OSBPL10: variants seen among roughly 807,000 people sequenced by gnomAD.
OSBPL10 encodes the protein oxysterol-binding protein-related protein 10.
Under a neutral mutation model 81.7 loss-of-function variants are expected in OSBPL10, and 49 were observed. That is an observed-to-expected ratio of 0.60 (90% CI 0.48 to 0.76). The LOEUF (loss-of-function observed/expected upper bound fraction) is 0.76, where lower values mean the gene tolerates loss of function less well. OSBPL10 is among the 30% of genes least tolerant of loss of function. The probability of loss-of-function intolerance (pLI) is 0.00; values close to 1 mark genes in which losing one functional copy is unlikely to be tolerated. For synonymous variants in OSBPL10, 419 were observed against 383.6 expected (o/e 1.09, Z -1.08); for missense variants, 923 against 987.8 (o/e 0.93, Z 0.88).
chr3:31,682,807 A>G (rs1700685271), intron 8 of OSBPL10, among the ~76,000 whole-genome samples: 1 of 152,150 alleles, frequency 6.6e-6, no homozygotes, highest in Non-Finnish European at 1.5e-5. Flanking sequence ...TCAAGTAACC[A>G]CAGCTCCTAA....
intron 1 of OSBPL10, among the ~76,000 whole-genome samples, chr3:31,961,423 T>C (rs1218156260): frequency 2.0e-5 from 3 of 152,252 alleles, no homozygotes; most frequent in Admixed American, 6.5e-5. Context: ...ATGTAAAGTA[T>C]CATTAAAAAG....
chr3:31,823,842 G>A (rs915421328), intron 4 of OSBPL10, among the ~76,000 whole-genome samples: 7 of 87,754 alleles, frequency 8.0e-5, no homozygotes, highest in Admixed American at 1.7e-4. Flanking sequence ...TTGTATGTGT[G>A]TATGTGTGTG....
At chr3:31,878,747 A>T (rs919567530) in intron 2 of OSBPL10, among the ~76,000 whole-genome samples, 2 of 151,884 alleles carry the variant, frequency 1.3e-5, no homozygotes, top group Admixed American at 6.6e-5. Flanking sequence ...ATTTTCAACC[A>T]CCTCTCAATA....
At chr3:31,806,474 G>A (rs1699525583) in intron 4 of OSBPL10, among the ~76,000 whole-genome samples, 1 of 152,188 alleles carries the variant, frequency 6.6e-6, no homozygotes, top group African/African-American at 2.4e-5. Flanking sequence ...TTTTAGCTGA[G>A]AGCCAAACAG....
intron 6 of OSBPL10, among the ~76,000 whole-genome samples, chr3:31,730,841 A>G (rs7648314): frequency 0.048 from 7,265 of 152,328 alleles, 560 homozygotes; most frequent in African/African-American, 0.16. Context: ...CATGTTCTAA[A>G]CGGTAAACCA....
chr3:31,831,438 C>G (rs985972797), intron 3 of OSBPL10, among the ~76,000 whole-genome samples: 9 of 151,294 alleles, frequency 5.9e-5, no homozygotes, highest in Non-Finnish European at 8.8e-5. Context: ...AAAAGAAAAG[C>G]TTGATAAATT....
chr3:31,713,943 A>G (rs1195574500), intron 6 of OSBPL10: 3 of 152,232 alleles, frequency 2.0e-5, no homozygotes, highest in Non-Finnish European at 2.9e-5. Context: ...CAAAAATACT[A>G]TCTGACACTG....
In OSBPL10 at chr3:31,944,808, G is replaced by A. The variant is rs538998100; in HGVS notation, c.281+36091C>T. 1.6e-4 allele frequency among the ~76,000 whole-genome samples: 19 copies of A among 121,160 alleles called. No individual in the cohort carries two copies. The South Asian group carries it at 5.4e-3, about 35-fold the overall frequency. 79.5% of individuals were successfully genotyped at this position (121,160 alleles called of 152,430 possible). A position where few individuals can be genotyped will look rare whatever the true frequency, so the allele number is the denominator to read the frequency against. On this transcript the variant is annotated intron_variant, in intron 1 of 11. Coordinates refer to ENST00000396556, the MANE Select transcript of OSBPL10 (RefSeq NM_017784.5). The stretch of plus-strand genomic sequence containing the variant: ...ATTGCACCACTACATTCCAAACTGG[G>A]CAACAGAGCAAGACCCCCTCTCTTT...
rs77727356 is a variant in OSBPL10 at position 31,958,350 on chromosome 3, T to C, written c.281+22549A>G. 0.017 allele frequency among the ~76,000 whole-genome samples: 2,603 copies of C among 152,268 alleles called. 163 individuals are homozygous for C. In the East Asian group the frequency reaches 0.22, roughly 13 times the overall value. On this transcript the variant is annotated intron_variant, in intron 1 of 11. Coordinates refer to ENST00000396556, the MANE Select transcript of OSBPL10 (RefSeq NM_017784.5). ...CACCTCACAAATTAGTCCTTAAAAA[T>C]ATCTTCTCTGACAAATCTAGTTTGT...
intron 2 of OSBPL10, among the ~76,000 whole-genome samples, chr3:32,006,312 C>T (rs1699204958): frequency 6.6e-6 from 1 of 152,156 alleles, no homozygotes. Context: ...CCCTTGAATA[C>T]ACTTTGTGTA....
chr3:32,042,561 C>T (rs927488017), intron 2 of OSBPL10, among the ~76,000 whole-genome samples: 1 of 151,890 alleles, frequency 6.6e-6, no homozygotes, highest in Admixed American at 6.6e-5. Flanking sequence ...GGGGAACCTG[C>T]CCCCAATATT....
At chr3:31,931,191 C>A (rs1262100737) in intron 1 of OSBPL10, among the ~76,000 whole-genome samples, 4 of 151,920 alleles carry the variant, frequency 2.6e-5, no homozygotes, top group Admixed American at 2.6e-4. Flanking sequence ...ATGGCATTCT[C>A]TTTTGGATTG....
rs192413567 is a variant in OSBPL10 at position 31,945,282 on chromosome 3, T to C, written c.281+35617A>G. Among the ~76,000 whole-genome samples the C allele has an allele frequency of 5.3e-5, 8 of 151,998 alleles. No individual in the cohort carries two copies. In the East Asian group the frequency reaches 1.5e-3, roughly 29 times the overall value. On this transcript the variant is annotated intron_variant, in intron 1 of 11. Transcript: ENST00000396556. ...AAACAAGGCGTCAAATTCCTGCCAC[T>C]AGGACTCTGGTCCAAAGTTACAGTC...
intron 1 of OSBPL10, among the ~76,000 whole-genome samples, chr3:31,971,156 T>C (rs1575070040): frequency 8.3e-6 from 1 of 120,872 alleles, no homozygotes; most frequent in South Asian, 2.9e-4. Context: ...TTTTTTTTTT[T>C]TTGAGCTGGA....
intron 7 of OSBPL10, among the ~76,000 whole-genome samples, chr3:31,695,991 T>G (rs1437446436): frequency 1.3e-5 from 2 of 152,138 alleles, no homozygotes; most frequent in Non-Finnish European, 2.9e-5. Flanking sequence ...GAAGGTACAA[T>G]TATCAACCTC....
In OSBPL10 at chr3:31,671,002, G is replaced by C. The variant is rs766701563; in HGVS notation, c.1727-19C>G. 1.9e-6 allele frequency: 3 copies of C among 1,591,468 alleles called. No homozygotes were observed. In the African/African-American group the frequency reaches 4.0e-5, roughly 21 times the overall value. Reference sequence around the variant, plus strand: ...AACACACCTCCAGGGAGAGAGGAGGGAGAGTTAGGCATGCAAACATGTGAA... The same window carrying C: ...AACACACCTCCAGGGAGAGAGGAGGCAGAGTTAGGCATGCAAACATGTGAA... On this transcript the variant is annotated intron_variant, in intron 8 of 11. Coordinates refer to ENST00000396556, the MANE Select transcript of OSBPL10 (RefSeq NM_017784.5).
chr3:31,668,557 T>G, intron 10 of OSBPL10, 85 bp downstream of exon 10: 1 of 1,314,336 alleles, frequency 7.6e-7, no homozygotes, highest in East Asian at 2.4e-5. Context: ...AGTCGCTAAG[T>G]TTCAAAGTCT....
intron 3 of OSBPL10, among the ~76,000 whole-genome samples, chr3:31,838,610 G>A (rs1700419423): frequency 6.6e-6 from 1 of 151,446 alleles, no homozygotes. Flanking sequence ...ATGAGGACAT[G>A]AGGATTCACA....
intron 2 of OSBPL10, among the ~76,000 whole-genome samples, chr3:32,017,260 T>C (rs1428440253): frequency 6.6e-6 from 1 of 152,208 alleles, no homozygotes; most frequent in Non-Finnish European, 1.5e-5. Context: ...TCAAAGAAGT[T>C]AAAAAGCTTT....
Sources: gnomAD v4.1 joint callset for allele counts (sites outside exome capture counted in the v4.1 genomes callset) on GRCh38, gnomAD v4.1.1 for gene constraint, MANE v1.5 for transcripts, NCBI Gene and HGNC (gene_info 2026-07-23, HGNC 2026-07-21) for gene names.